The following PIGN variants were observed in gnomAD, a reference collection of about 807,000 sequenced individuals.
PIGN encodes phosphatidylinositol glycan anchor biosynthesis class N, also known as GPI ethanolamine phosphate transferase 1.
A neutral mutation model predicts 125.4 loss-of-function variants in PIGN; 117 were observed. The observed-to-expected ratio is 0.93, with a 90% CI of 0.80 to 1.09. The LOEUF is 1.09. PIGN is among the 50% of genes least tolerant of loss of function. The pLI is 0.00. For synonymous variants in PIGN, 392 were observed against 377.8 expected (o/e 1.04, Z -0.44); for missense variants, 1,075 against 1,094.9 (o/e 0.98, Z 0.26).
rs1049261432 is a variant in PIGN at position 62,041,229 on chromosome 18, C to G, written c.*4627G>C. The G allele has an allele frequency of 2.0e-5, 3 of 152,108 alleles. No individual in the cohort carries two copies. The highest frequency in any genetic ancestry group is 4.8e-5 in the African/African-American group (2 of 41,422). 9.4% of individuals were successfully genotyped at this position (152,108 alleles called of 1,614,324 possible). On this transcript the variant is annotated 3_prime_UTR_variant, in exon 31 of 31. Coordinates refer to ENST00000640252, the MANE Select transcript of PIGN (RefSeq NM_176787.5). Reference sequence around the variant, plus strand: ...AAAACATAAGGTATGAAGGCTTAGTCTATACTCTAGCAGGGCTAGACAATG... The same window carrying G: ...AAAACATAAGGTATGAAGGCTTAGTGTATACTCTAGCAGGGCTAGACAATG...
At chr18:62,070,218 T>C (rs1020564129) in intron 30 of PIGN, 7 of 392,328 alleles carry the variant, frequency 1.8e-5, no homozygotes, top group African/African-American at 1.4e-4. Flanking sequence ...AGAAATGAGA[T>C]TCAAACCCAG....
intron 7 of PIGN, among the ~76,000 whole-genome samples, chr18:62,151,886 T>C (rs1436661177): frequency 6.6e-6 from 1 of 152,204 alleles, no homozygotes; most frequent in Non-Finnish European, 1.5e-5. Flanking sequence ...CCTGGCCTAC[T>C]GTCAACGAAG....
intron 23 of PIGN, among the ~76,000 whole-genome samples, chr18:62,024,719 GGC>G (rs1268056159): frequency 6.6e-6 from 1 of 152,126 alleles, no homozygotes; most frequent in African/African-American, 2.4e-5. Flanking sequence ...TGGGTACAGT[GGC>G]TCACGTCTGT....
intron 30 of PIGN, among the ~76,000 whole-genome samples, chr18:62,047,777 A>T (rs1158822297): frequency 6.6e-6 from 1 of 152,214 alleles, no homozygotes; most frequent in Non-Finnish European, 1.5e-5. Flanking sequence ...TCTAGGTTTC[A>T]AAAGAAAATC....
At chr18:62,023,558 T>C (rs2030079793) in intron 23 of PIGN, among the ~76,000 whole-genome samples, 1 of 152,254 alleles carries the variant, frequency 6.6e-6, no homozygotes, top group Non-Finnish European at 1.5e-5. Flanking sequence ...CTGAAGCCTC[T>C]CAATGGTGGC....
chr18:62,121,000 G>A lies in PIGN; in HGVS notation c.1173-6361C>T, dbSNP rs75061662. ...AACATCAAAATGTTAAAAGTGAAAG[G>A]ATATGAGAAAAGACATAACACACAA... On this transcript the variant is annotated intron_variant, in intron 14 of 30. Coordinates refer to ENST00000640252, the MANE Select transcript of PIGN (RefSeq NM_176787.5). 9.6e-3 allele frequency among the ~76,000 whole-genome samples: 1,464 copies of A among 152,216 alleles called. 47 individuals are homozygous for A. The highest frequency in any genetic ancestry group is 0.068 in the East Asian group (355 of 5,186).
intron 25 of PIGN, 31 bp from the exon 26 acceptor site, chr18:62,085,295 C>T (rs1254783029): frequency 1.1e-5 from 16 of 1,436,848 alleles, no homozygotes; most frequent in Non-Finnish European, 1.5e-5. Context: ...GGCAAAACAA[C>T]TCAGATTTCA....
Position 62,041,640 on chromosome 18 carries a change from G to GGTGTGTTTGTGTGTGTGT in PIGN, c.*4215_*4216insACACACACACAAACACAC, listed in dbSNP as rs1555669074. 2 of 77,470 alleles carry GGTGTGTTTGTGTGTGTGT rather than the reference G, an allele frequency of 2.6e-5. No homozygotes were observed. The highest frequency in any genetic ancestry group is 1.1e-4 in the African/African-American group (2 of 18,430). 4.8% of individuals were successfully genotyped at this position (77,470 alleles called of 1,614,324 possible). A position where few individuals can be genotyped will look rare whatever the true frequency, so the allele number is the denominator to read the frequency against. The stretch of plus-strand genomic sequence containing the variant: ...ATTACAGGAGCCTACCACCCCGCCG[G>GGTGTGTTTGTGTGTGTGT]GTGTGTGTGTGTGTGTGTGTGTGTG... On this transcript the variant is annotated 3_prime_UTR_variant, in exon 31 of 31. Coordinates refer to ENST00000640252, the MANE Select transcript of PIGN (RefSeq NM_176787.5).
chr18:62,040,222 T>C (rs1246236660), downstream of PIGN, among the ~76,000 whole-genome samples: 6 of 74,716 alleles, frequency 8.0e-5, no homozygotes, highest in Admixed American at 2.6e-4. Context: ...GTGCCGCACA[T>C]CATGTTTAGG....
At chr18:62,085,962 T>C (rs1437140856) in intron 25 of PIGN, among the ~76,000 whole-genome samples, 6 of 152,146 alleles carry the variant, frequency 3.9e-5, no homozygotes, top group Non-Finnish European at 7.4e-5. Context: ...GAAGAGGAAG[T>C]ACGAATCATG....
intron 21 of PIGN, among the ~76,000 whole-genome samples, chr18:62,101,667 C>T (rs17636057): frequency 0.17 from 25,983 of 152,106 alleles, 2,948 homozygotes; most frequent in Middle Eastern, 0.29. Context: ...TGATGTAATC[C>T]TTCAAATGTT....
chr18:62,141,422 G>A (rs569706143), intron 11 of PIGN, among the ~76,000 whole-genome samples: 3 of 152,306 alleles, frequency 2.0e-5, no homozygotes, highest in South Asian at 4.1e-4. Flanking sequence ...CTCCTTTCTT[G>A]GCCTCAACAC....
At chr18:62,143,207 C>A in intron 11 of PIGN, 99 bp downstream of exon 11, 1 of 671,796 alleles carries the variant, frequency 1.5e-6, no homozygotes, top group Non-Finnish European at 2.6e-6. Flanking sequence ...TTGAAAAAGA[C>A]TTTGTCAATA....
intron 1 of PIGN, among the ~76,000 whole-genome samples, chr18:62,168,278 C>T (rs1016746813): frequency 1.3e-5 from 2 of 152,000 alleles, no homozygotes; most frequent in South Asian, 4.2e-4. Flanking sequence ...TGTAAGTAAC[C>T]ATGCTTTCTT....
chr18:62,085,386 G>A (rs972833487), intron 25 of PIGN, 122 bp from the exon 26 acceptor site: 1 of 688,936 alleles, frequency 1.5e-6, no homozygotes, highest in African/African-American at 1.8e-5. Context: ...ACCATGAATT[G>A]TTTTCAATGA....
At chr18:62,154,799 A>G (rs1599647703) in intron 6 of PIGN, 148 bp from the exon 7 acceptor site, 1 of 608,558 alleles carries the variant, frequency 1.6e-6, no homozygotes, top group East Asian at 2.8e-5. Context: ...AAATGGGAGG[A>G]ATAATTAACA....
At chr18:62,138,495 A>C (rs899921517) in intron 13 of PIGN, among the ~76,000 whole-genome samples, 197 bp from the exon 14 acceptor site, 1 of 152,238 alleles carries the variant, frequency 6.6e-6, no homozygotes, top group Non-Finnish European at 1.5e-5. Flanking sequence ...GCTGAGAATT[A>C]AACATATCAA....
chr18:62,023,669 A>G (rs942145275), intron 23 of PIGN, among the ~76,000 whole-genome samples: 7 of 152,192 alleles, frequency 4.6e-5, no homozygotes, highest in Non-Finnish European at 1.0e-4. Context: ...TTTTTGCTGC[A>G]ATTTCATCTT....
chr18:62,160,717 CA>C lies in PIGN; in HGVS notation c.221+415del, dbSNP rs2036920307. The stretch of plus-strand genomic sequence containing the variant: ...AGAAACGGGGTTTCTCCATGTTGGT[CA>C]GGCTGGTCTCAAACTCCTGACCTCA... On this transcript the variant is annotated intron_variant, in intron 4 of 30. Coordinates refer to ENST00000640252, the MANE Select transcript of PIGN (RefSeq NM_176787.5). 7.2e-5 allele frequency among the ~76,000 whole-genome samples: 11 copies of C among 152,224 alleles called. No individual in the cohort carries two copies. In the South Asian group the frequency reaches 2.3e-3, roughly 32 times the overall value.
Sources: gnomAD v4.1 joint callset for allele counts (sites outside exome capture counted in the v4.1 genomes callset) on GRCh38, gnomAD v4.1.1 for gene constraint, MANE v1.5 for transcripts, NCBI Gene and HGNC (gene_info 2026-07-23, HGNC 2026-07-21) for gene names.